The following AGMO variants were observed in gnomAD, a reference collection of about 807,000 sequenced individuals.
AGMO encodes the protein glyceryl-ether monooxygenase.
A neutral mutation model predicts 60.2 loss-of-function variants in AGMO; 75 were observed. That is an observed-to-expected ratio of 1.25 (90% CI 1.03 to 1.51). AGMO has a LOEUF of 1.51. Among genes scored for constraint, AGMO ranks in the 40% most tolerant of loss-of-function variants. The probability of loss-of-function intolerance (pLI) is 0.00; values close to 1 mark genes in which losing one functional copy is unlikely to be tolerated. For missense variants in AGMO, 763 were observed against 525.5 expected, an observed-to-expected ratio of 1.45 and a Z score of -4.42; for synonymous variants, 261 against 177.1, an observed-to-expected ratio of 1.47 and a Z score of -3.76.
rs187125432 is a variant in AGMO, at chr7:15,269,543, G to T, written c.1264-68184C>A. 5.4e-3 allele frequency among the ~76,000 whole-genome samples: 818 copies of T among 152,182 alleles called. 4 individuals carry two copies. Among genetic ancestry groups the T allele is most frequent in the African/African-American group, 0.018 (748 of 41,544 alleles). ...AAAGGGAGATTATCCAGAGATGGGG[G>T]TAGTTATTGAGGGTAATAAGGTCCA... On this transcript the variant is annotated intron_variant, in intron 12 of 12. Transcript: ENST00000342526.
Position 15,354,348 on chromosome 7 carries a change from G to C in AGMO, c.1263+11166C>G, listed in dbSNP as rs1263649826. The stretch of plus-strand genomic sequence containing the variant: ...TACGTACGCGTGTATATACACGCGT[G>C]TATATAGACGTGTGTATATAGACGT... On this transcript the variant is annotated intron_variant, in intron 12 of 12. Coordinates refer to ENST00000342526, the MANE Select transcript of AGMO (RefSeq NM_001004320.2). Among the ~76,000 whole-genome samples the C allele has an allele frequency of 4.9e-4, 42 of 85,286 alleles. 2 individuals carry two copies. Among genetic ancestry groups the C allele is most frequent in the African/African-American group, 1.4e-3 (23 of 16,542 alleles). The allele number at this position is 85,286 out of a possible 152,430, so 56.0% of individuals were successfully genotyped here.
the AGMO span, among the ~76,000 whole-genome samples, chr7:15,141,237 A>C: frequency 6.6e-6 from 1 of 152,026 alleles, no homozygotes; most frequent in Non-Finnish European, 1.5e-5. Context: ...TTTGTGGTTT[A>C]TGGTTTTGTC....
In AGMO at chr7:15,395,940, T is replaced by C. The variant is rs904680930; in HGVS notation, c.610-1761A>G. On this transcript the variant is annotated intron_variant, in intron 5 of 12. Coordinates refer to ENST00000342526, the MANE Select transcript of AGMO (RefSeq NM_001004320.2). ...TCAGCTTGTGGCATCACATCCCCTCTTGAAATGGAAGCTGTGGCAATGTTG... is the reference window on the plus strand; with the variant it reads ...TCAGCTTGTGGCATCACATCCCCTCCTGAAATGGAAGCTGTGGCAATGTTG... The C allele has an allele frequency of 2.0e-5, 3 of 152,198 alleles. No individual in the cohort carries two copies. The South Asian group carries it at 6.2e-4, about 32-fold the overall frequency. 9.4% of individuals were successfully genotyped at this position (152,198 alleles called of 1,614,324 possible).
intron 12 of AGMO, among the ~76,000 whole-genome samples, chr7:15,277,346 T>C: frequency 6.9e-6 from 1 of 144,954 alleles, no homozygotes. Context: ...AATAAATAAA[T>C]AAATAAATTA....
Position 15,385,499 on chromosome 7 carries a change from C to T in AGMO, c.1021G>A (p.Val341Ile), listed in dbSNP as rs375360314. ...AATGCCAACATCAGAGCAAACTGTA[C>T]AACTGTATATATCTTTAATAGCTGA... ...SSQLLKIYTVVQFALMLAFYE... is the reference protein window; with the variant it reads ...SSQLLKIYTVIQFALMLAFYE... Residue 341 changes from valine to isoleucine, a missense_variant, in exon 10 of 13, where the codon GTA becomes ATA. By Grantham distance (29) the Val-to-Ile change is conservative (BLOSUM62 3). Coordinates refer to ENST00000342526, the MANE Select transcript of AGMO (RefSeq NM_001004320.2). The T allele has an allele frequency of 1.9e-6, 3 of 1,613,230 alleles. No homozygotes were observed. The highest frequency in any genetic ancestry group is 1.3e-5 in the African/African-American group (1 of 74,886).
intron 12 of AGMO, among the ~76,000 whole-genome samples, chr7:15,347,752 G>A (rs1782086268): frequency 6.6e-6 from 1 of 152,010 alleles, no homozygotes; most frequent in Non-Finnish European, 1.5e-5. Flanking sequence ...GCTCTGTGCA[G>A]ATCAAGCAAA....
chr7:15,161,877 TAATTGTTTGC>T, the AGMO span, among the ~76,000 whole-genome samples: 3 of 152,144 alleles, frequency 2.0e-5, no homozygotes, highest in Admixed American at 2.0e-4. Flanking sequence ...TTCATGAAGA[TAATTGTTTGC>T]CTCAGAAGGT....
intron 5 of AGMO, among the ~76,000 whole-genome samples, chr7:15,414,458 C>T (rs1780700348): frequency 1.3e-5 from 2 of 148,828 alleles, no homozygotes; most frequent in Non-Finnish European, 3.0e-5. Flanking sequence ...ATATTTAATC[C>T]CTAGAATAGA....
At chr7:15,178,186 G>T in the AGMO span, among the ~76,000 whole-genome samples, 1 of 151,968 alleles carries the variant, frequency 6.6e-6, no homozygotes, top group African/African-American at 2.4e-5. Context: ...TTCAATATTT[G>T]GCCAGAATAT....
At chr7:15,297,832 G>C (rs1221462878) in intron 12 of AGMO, among the ~76,000 whole-genome samples, 2 of 152,040 alleles carry the variant, frequency 1.3e-5, no homozygotes, top group South Asian at 2.1e-4. Flanking sequence ...GAGTGAATGA[G>C]GTTTGTATAA....
At chr7:15,287,206 C>G (rs139337955) in intron 12 of AGMO, among the ~76,000 whole-genome samples, 2 of 152,080 alleles carry the variant, frequency 1.3e-5, no homozygotes, top group South Asian at 4.1e-4. Context: ...AAACCATGTA[C>G]ATCCCCAAAG....
intron 12 of AGMO, among the ~76,000 whole-genome samples, chr7:15,271,349 G>T (rs1438055802): frequency 6.6e-6 from 1 of 152,064 alleles, no homozygotes; most frequent in Non-Finnish European, 1.5e-5. Context: ...TCTTTCTTCA[G>T]TGTTTTGTAG....
chr7:15,221,115 A>T (rs896820896), intron 12 of AGMO, among the ~76,000 whole-genome samples: 1 of 152,198 alleles, frequency 6.6e-6, no homozygotes, highest in African/African-American at 2.4e-5. Context: ...TTGTTTTCTC[A>T]ATCAGTATGC....
intron 12 of AGMO, among the ~76,000 whole-genome samples, chr7:15,205,406 G>A (rs1781414697): frequency 6.7e-6 from 1 of 150,338 alleles, no homozygotes; most frequent in Non-Finnish European, 1.5e-5. Context: ...CTCTGAAATT[G>A]CTAATTTTTT....
chr7:15,203,596 T>C (rs185569704), intron 12 of AGMO, among the ~76,000 whole-genome samples: 1 of 151,960 alleles, frequency 6.6e-6, no homozygotes, highest in East Asian at 1.9e-4. Context: ...GGAGTCAGGA[T>C]CAGATTATAT....
intron 3 of AGMO, among the ~76,000 whole-genome samples, chr7:15,476,875 G>T (rs1456348201): frequency 1.3e-5 from 2 of 152,078 alleles, no homozygotes; most frequent in Non-Finnish European, 1.5e-5. Context: ...AGGAAATGGA[G>T]AAACAGAGAT....
intron 3 of AGMO, among the ~76,000 whole-genome samples, chr7:15,530,356 T>C (rs188629377): frequency 2.6e-4 from 32 of 120,980 alleles, no homozygotes; most frequent in African/African-American, 3.9e-4. Flanking sequence ...TACGTATTTC[T>C]ATATATATAT....
the AGMO span, among the ~76,000 whole-genome samples, chr7:15,165,098 C>T: frequency 9.9e-5 from 15 of 151,954 alleles, no homozygotes; most frequent in African/African-American, 2.9e-4. Flanking sequence ...ATGGATGGAG[C>T]GGGAGGCCAT....
chr7:15,250,869 C>A (rs769005355), intron 12 of AGMO, among the ~76,000 whole-genome samples: 1 of 151,716 alleles, frequency 6.6e-6, no homozygotes, highest in African/African-American at 2.4e-5. Context: ...CGCTTGAACC[C>A]GGGAGGCAGA....
Sources: gnomAD v4.1 joint callset for allele counts (sites outside exome capture counted in the v4.1 genomes callset) on GRCh38, gnomAD v4.1.1 for gene constraint, MANE v1.5 for transcripts, NCBI Gene and HGNC (gene_info 2026-07-23, HGNC 2026-07-21) for gene names.